The following ZC3H12B variants were observed in gnomAD, a reference collection of about 807,000 sequenced individuals.
ZC3H12B encodes probable ribonuclease ZC3H12B.
A neutral mutation model predicts 43.9 loss-of-function variants in ZC3H12B; 7 were observed. That is an observed-to-expected ratio of 0.16 (90% CI 0.09 to 0.30). The LOEUF (loss-of-function observed/expected upper bound fraction) is 0.30. Among genes scored for constraint, ZC3H12B ranks in the 10% least tolerant of loss-of-function variants. The pLI is 1.00. For synonymous variants in ZC3H12B, 222 were observed against 241.7 expected, an observed-to-expected ratio of 0.92 and a Z score of 0.76; for missense variants, 475 against 670.2, an observed-to-expected ratio of 0.71 and a Z score of 3.22.
At chrX:65,253,513 C>T in the ZC3H12B span, among the ~76,000 whole-genome samples, 8 of 112,006 alleles carry the variant, frequency 7.1e-5, no homozygotes, top group Admixed American at 7.5e-4. Flanking sequence ...GCCAGGGGCT[C>T]CCATAGCCCC....
exon 5 of ZC3H12B, chrX:65,503,372 CCT>C: frequency 2.2e-6 from 1 of 453,321 alleles, no homozygotes; most frequent in Non-Finnish European, 3.5e-6. Flanking sequence ...TTACTAACAT[CCT>C]CTTTTATAGA....
intron 3 of ZC3H12B, among the ~76,000 whole-genome samples, chrX:65,419,487 A>G (rs2066994863): frequency 8.9e-6 from 1 of 111,851 alleles, no homozygotes; most frequent in Non-Finnish European, 1.9e-5. Flanking sequence ...GGATTACAGC[A>G]CCTGGGAGTG....
chrX:65,329,801 A>C, the ZC3H12B span, among the ~76,000 whole-genome samples: 1 of 111,658 alleles, frequency 9.0e-6, no homozygotes, highest in Non-Finnish European at 1.9e-5. Flanking sequence ...ATTTAGTAAT[A>C]GGGAATCCTT....
At chrX:65,403,130 G>T (rs1006674201) in intron 3 of ZC3H12B, among the ~76,000 whole-genome samples, 7 of 112,112 alleles carry the variant, frequency 6.2e-5, no homozygotes, top group Non-Finnish European at 1.3e-4. Flanking sequence ...TTCAGAGATT[G>T]AAATAATTTT....
chrX:65,233,953 A>G, the ZC3H12B span, among the ~76,000 whole-genome samples: 1 of 111,671 alleles, frequency 9.0e-6, no homozygotes, highest in East Asian at 2.8e-4. Flanking sequence ...AATTATTTAA[A>G]GAAGAACTAA....
At chrX:65,158,851 C>T in the ZC3H12B span, among the ~76,000 whole-genome samples, 1 of 111,837 alleles carries the variant, frequency 8.9e-6, no homozygotes, top group Non-Finnish European at 1.9e-5. Flanking sequence ...CTTGCCCATG[C>T]CTGTGTCCTG....
At chrX:65,401,663 C>T (rs2066764151) in intron 3 of ZC3H12B, among the ~76,000 whole-genome samples, 1 of 111,687 alleles carries the variant, frequency 9.0e-6, no homozygotes, top group African/African-American at 3.3e-5. Context: ...GCTTGAGGCT[C>T]CAAAACAGAT....
chrX:65,385,212 G>A (rs2066504793), intron 2 of ZC3H12B, among the ~76,000 whole-genome samples: 1 of 111,990 alleles, frequency 8.9e-6, no homozygotes, highest in Non-Finnish European at 1.9e-5. Flanking sequence ...CGATGGGGAT[G>A]GCATTGAATC....
At chrX:65,204,178 T>TGAAG in the ZC3H12B span, among the ~76,000 whole-genome samples, 14,205 of 111,622 alleles carry the variant, frequency 0.13, 2,167 homozygotes, top group African/African-American at 0.43. Context: ...TTAAGGAATA[T>TGAAG]GAAGCTAAAA....
chrX:65,254,379 G>C, the ZC3H12B span, among the ~76,000 whole-genome samples: 12 of 112,483 alleles, frequency 1.1e-4, no homozygotes, highest in South Asian at 4.4e-3. Flanking sequence ...TAAGGAGCTA[G>C]AGAACTAAGT....
chrX:65,369,511 C>CTG (rs59990351), intron 2 of ZC3H12B, among the ~76,000 whole-genome samples: 25,845 of 111,344 alleles, frequency 0.23, 7,222 homozygotes, highest in African/African-American at 0.8. Context: ...AAAACTGTGA[C>CTG]TATCATTTCA....
chrX:65,419,035 G>T (rs749601838), intron 3 of ZC3H12B, among the ~76,000 whole-genome samples: 2 of 111,387 alleles, frequency 1.8e-5, no homozygotes, highest in Admixed American at 9.5e-5. Context: ...CTCAGACAGA[G>T]TAGGGGCTTA....
chrX:65,149,713 G>A, the ZC3H12B span, among the ~76,000 whole-genome samples: 22 of 105,439 alleles, frequency 2.1e-4, no homozygotes, highest in African/African-American at 5.8e-4. Context: ...GCAGTGAGCC[G>A]AGATCACACC....
At chrX:65,139,980 T>A in the ZC3H12B span, among the ~76,000 whole-genome samples, 9 of 110,006 alleles carry the variant, frequency 8.2e-5, no homozygotes, top group Admixed American at 6.8e-4. Context: ...TTCTAAAAGT[T>A]TTTTTTTTGT....
At chrX:65,320,697 C>G in the ZC3H12B span, among the ~76,000 whole-genome samples, 1 of 111,775 alleles carries the variant, frequency 8.9e-6, no homozygotes, top group Admixed American at 9.5e-5. Context: ...TAAAAAAGCA[C>G]ACACATAGAC....
the ZC3H12B span, among the ~76,000 whole-genome samples, chrX:65,182,791 C>T: frequency 9.1e-6 from 1 of 109,430 alleles, no homozygotes; most frequent in Admixed American, 9.7e-5. Context: ...TAAAAGGAAA[C>T]ATAAATGCAG....
At chrX:65,095,107 T>C in the ZC3H12B span, among the ~76,000 whole-genome samples, 1 of 112,160 alleles carries the variant, frequency 8.9e-6, no homozygotes, top group Non-Finnish European at 1.9e-5. Context: ...CACTATGAGC[T>C]TGACAGCTTC....
At chrX:65,269,222 G>C in the ZC3H12B span, among the ~76,000 whole-genome samples, 1 of 110,081 alleles carries the variant, frequency 9.1e-6, no homozygotes. Flanking sequence ...GTAAACGCCT[G>C]TAGTCCCAGT....
At chrX:65,382,004 A>T (rs775327406) in intron 2 of ZC3H12B, among the ~76,000 whole-genome samples, 1 of 112,096 alleles carries the variant, frequency 8.9e-6, no homozygotes, top group Non-Finnish European at 1.9e-5. Flanking sequence ...ATGGATTCAC[A>T]GCCGATTCTA....
Sources: gnomAD v4.1 joint callset for allele counts (sites outside exome capture counted in the v4.1 genomes callset) on GRCh38, gnomAD v4.1.1 for gene constraint, MANE v1.5 for transcripts, NCBI Gene and HGNC (gene_info 2026-07-23, HGNC 2026-07-21) for gene names.